The following TLK2 variants were observed in gnomAD, a reference collection of about 807,000 sequenced individuals.
TLK2 encodes tousled like kinase 2.
A neutral mutation model predicts 117.3 loss-of-function variants in TLK2; 6 were observed. The ratio of observed to expected loss-of-function variants is 0.05; its 90% CI spans 0.03 to 0.10. TLK2 has a LOEUF of 0.10. TLK2 is among the 10% of genes least tolerant of loss of function. The pLI, the probability that TLK2 is intolerant of heterozygous loss-of-function variation, is 1.00. For synonymous variants in TLK2, 257 were observed against 316.7 expected (o/e 0.81, Z 2.00); for missense variants, 299 against 901.2 (o/e 0.33, Z 8.56).
chr17:62,607,030 T>TC (rs1555665539), intron 20 of TLK2, among the ~76,000 whole-genome samples: 2 of 150,542 alleles, frequency 1.3e-5, no homozygotes, highest in Admixed American at 6.6e-5. Context: ...TTTTTTTTTT[T>TC]CTATCTCACC....
chr17:62,506,792 G>A (rs542514551), intron 2 of TLK2, among the ~76,000 whole-genome samples: 30 of 152,282 alleles, frequency 2.0e-4, no homozygotes, highest in African/African-American at 6.3e-4. Flanking sequence ...TTAGCATAAA[G>A]AGAAAGCTAA....
intron 15 of TLK2, among the ~76,000 whole-genome samples, chr17:62,584,111 T>G (rs1307476081): frequency 2.0e-5 from 2 of 100,976 alleles, no homozygotes; most frequent in South Asian, 2.7e-4. Flanking sequence ...TTTGTGGTTT[T>G]TTTTTTTTTT....
intron 2 of TLK2, chr17:62,508,324 C>G (rs2074884768): frequency 1.7e-6 from 1 of 598,374 alleles, no homozygotes; most frequent in Non-Finnish European, 2.1e-6. Flanking sequence ...AGATAAAATA[C>G]CACATAGTTA....
At chr17:62,511,308 A>G (rs1338341065) in intron 2 of TLK2, among the ~76,000 whole-genome samples, 2 of 152,210 alleles carry the variant, frequency 1.3e-5, no homozygotes, top group Non-Finnish European at 2.9e-5. Context: ...TGACAACTAC[A>G]GATCTATTTT....
intron 16 of TLK2, among the ~76,000 whole-genome samples, chr17:62,590,168 A>G (rs1437408225): frequency 6.7e-6 from 1 of 148,438 alleles, no homozygotes; most frequent in Admixed American, 6.7e-5. Context: ...ACGGTGGCTC[A>G]CGCCTGTAAT....
rs181730257 is a variant in TLK2, at chr17:62,557,712, T to C, written c.721-2304T>C. On this transcript the variant is annotated intron_variant, in intron 9 of 21. Transcript: ENST00000346027. ...GTCAGGGTTTTGTACAGAGAAGCTC[T>C]GCTGTACTGAGGAAGAATTGTGGGC... Among the ~76,000 whole-genome samples, 32 of 152,334 alleles carry C rather than the reference T, an allele frequency of 2.1e-4. No individual in the cohort carries two copies. In the East Asian group the frequency reaches 6.2e-3, roughly 29 times the overall value.
At chr17:62,479,468 C>T (rs1468889923) in intron 1 of TLK2, among the ~76,000 whole-genome samples, 178 bp downstream of exon 1, 10 of 152,138 alleles carry the variant, frequency 6.6e-5, no homozygotes, top group South Asian at 6.2e-4. Flanking sequence ...GCTGAGGGGC[C>T]GGGCAGAAGA....
chr17:62,522,416 T>A (rs1311095575), intron 4 of TLK2, 143 bp downstream of exon 4: 1 of 918,874 alleles, frequency 1.1e-6, no homozygotes, highest in African/African-American at 1.7e-5. Context: ...TCAGACTGTT[T>A]ATTACAGACT....
chr17:62,513,224 GT>G (rs2145310446), intron 2 of TLK2, among the ~76,000 whole-genome samples: 1 of 147,802 alleles, frequency 6.8e-6, no homozygotes, highest in Non-Finnish European at 1.5e-5. Context: ...TTTTTGTTTT[GT>G]TTTGTTTGTT....
rs1243864134 is a variant in TLK2 at position 62,541,123 on chromosome 17, TAGAG to T, written c.531+4789_531+4792del. 3.3e-5 allele frequency among the ~76,000 whole-genome samples: 5 copies of T among 152,120 alleles called. No individual in the cohort carries two copies. The East Asian group carries it at 7.7e-4, about 23-fold the overall frequency. ...TGGTTTCTGCTTATATTTACCCTAT[TAGAG>T]AGGCCTACCCTGGCCACACTATAAA... On this transcript the variant is annotated intron_variant, in intron 7 of 21. Coordinates refer to ENST00000346027, the MANE Select transcript of TLK2 (RefSeq NM_006852.6).
chr17:62,508,007 G>A (rs1378429825), intron 2 of TLK2, among the ~76,000 whole-genome samples: 1 of 152,012 alleles, frequency 6.6e-6, no homozygotes, highest in Admixed American at 6.6e-5. Context: ...ATTATTATCA[G>A]CAGGAGACAG....
intron 7 of TLK2, among the ~76,000 whole-genome samples, chr17:62,549,435 A>G (rs1361546695): frequency 7.7e-5 from 9 of 116,302 alleles, no homozygotes; most frequent in African/African-American, 2.4e-4. Context: ...AAAAAAAAAA[A>G]AATAGAAACA....
At chr17:62,559,081 C>T (rs916965998) in intron 9 of TLK2, among the ~76,000 whole-genome samples, 1 of 152,076 alleles carries the variant, frequency 6.6e-6, no homozygotes, top group Non-Finnish European at 1.5e-5. Flanking sequence ...TGGTTCTTTC[C>T]TTCTCTGTTA....
intron 7 of TLK2, among the ~76,000 whole-genome samples, chr17:62,546,151 G>A (rs1388123647): frequency 1.3e-5 from 2 of 151,898 alleles, no homozygotes; most frequent in African/African-American, 2.4e-5. Flanking sequence ...CAGAATGCTG[G>A]GATTACAGTC....
intron 1 of TLK2, among the ~76,000 whole-genome samples, chr17:62,480,456 T>G (rs1821323208): frequency 6.6e-6 from 1 of 152,248 alleles, no homozygotes; most frequent in South Asian, 2.1e-4. Context: ...AGAAAACTAC[T>G]GCAGGGAGTG....
At chr17:62,590,232 G>A (rs1331824176) in intron 16 of TLK2, among the ~76,000 whole-genome samples, 1 of 149,354 alleles carries the variant, frequency 6.7e-6, no homozygotes, top group Non-Finnish European at 1.5e-5. Flanking sequence ...AGGAGTTCAA[G>A]ACCAGCCTGA....
At chr17:62,524,600 C>A (rs534987362) in intron 6 of TLK2, among the ~76,000 whole-genome samples, 3 of 152,130 alleles carry the variant, frequency 2.0e-5, no homozygotes, top group Non-Finnish European at 4.4e-5. Flanking sequence ...TGATTCCAAT[C>A]GAAACATTAG....
intron 12 of TLK2, 123 bp from the exon 13 acceptor site, chr17:62,576,586 C>T (rs575110218): frequency 1.3e-6 from 1 of 744,396 alleles, no homozygotes; most frequent in South Asian, 1.6e-5. Flanking sequence ...GATAACCCAT[C>T]TTTCAGTCAT....
intron 6 of TLK2, among the ~76,000 whole-genome samples, chr17:62,530,479 A>T (rs2076667886): frequency 6.6e-6 from 1 of 152,142 alleles, no homozygotes; most frequent in Non-Finnish European, 1.5e-5. Flanking sequence ...AACCCCCAGA[A>T]AAGAAAAAAT....
Sources: gnomAD v4.1 joint callset for allele counts (sites outside exome capture counted in the v4.1 genomes callset) on GRCh38, gnomAD v4.1.1 for gene constraint, MANE v1.5 for transcripts, NCBI Gene and HGNC (gene_info 2026-07-23, HGNC 2026-07-21) for gene names.